DENND1A: variants seen among roughly 807,000 people sequenced by gnomAD.
DENND1A encodes DENN domain-containing protein 1A.
A neutral mutation model predicts 113.7 loss-of-function variants in DENND1A; 51 were observed. The ratio of observed to expected loss-of-function variants is 0.45; its 90% CI spans 0.36 to 0.57. DENND1A has a LOEUF of 0.57. DENND1A is among the 20% of genes least tolerant of loss of function. The pLI is 0.00. For missense variants in DENND1A, 1,258 were observed against 1,395.9 expected (o/e 0.90, Z 1.57); for synonymous variants, 565 against 570.8 (o/e 0.99, Z 0.14).
chr9:123,638,136 C>A (rs145666433), intron 9 of DENND1A, among the ~76,000 whole-genome samples: 1 of 152,058 alleles, frequency 6.6e-6, no homozygotes. Context: ...AAGTTATTAA[C>A]CGGGGCAACA....
At chr9:123,543,156 A>G (rs1464222805) in intron 13 of DENND1A, among the ~76,000 whole-genome samples, 1 of 152,228 alleles carries the variant, frequency 6.6e-6, no homozygotes, top group Non-Finnish European at 1.5e-5. Flanking sequence ...TGGAACGGGT[A>G]AAAATGAACC....
intron 1 of DENND1A, among the ~76,000 whole-genome samples, chr9:123,900,022 C>G (rs755014665): frequency 1.3e-5 from 2 of 152,206 alleles, no homozygotes; most frequent in African/African-American, 4.8e-5. Context: ...TAAACCAGCA[C>G]GTTCTGGATT....
At chr9:123,462,968 AC>A (rs2048650495) in intron 13 of DENND1A, among the ~76,000 whole-genome samples, 1 of 152,112 alleles carries the variant, frequency 6.6e-6, no homozygotes, top group Non-Finnish European at 1.5e-5. Flanking sequence ...CAGCTCGTCC[AC>A]CTGCGTCCTG....
intron 3 of DENND1A, among the ~76,000 whole-genome samples, chr9:123,782,648 G>A (rs1454515258): frequency 6.6e-6 from 1 of 152,148 alleles, no homozygotes; most frequent in Admixed American, 6.5e-5. Context: ...CTACCTGGGG[G>A]ATGTAAAAGA....
rs7045344 is a variant in DENND1A, at chr9:123,414,934, T to G, written c.1489-3105A>C. ...TAATAGGTGCTCAGCAAATTACTTTTGGCTTAAACTTCCTGGCACATGTAA... is the reference window on the plus strand; with the variant it reads ...TAATAGGTGCTCAGCAAATTACTTTGGGCTTAAACTTCCTGGCACATGTAA... On this transcript the variant is annotated intron_variant, in intron 19 of 23. Transcript: ENST00000394215. Among the ~76,000 whole-genome samples, 975 of 152,348 alleles carry G rather than the reference T, an allele frequency of 6.4e-3. 9 individuals are homozygous for G. The highest frequency in any genetic ancestry group is 0.022 in the African/African-American group (935 of 41,584).
At chr9:123,850,065 A>G (rs1339825732) in intron 2 of DENND1A, among the ~76,000 whole-genome samples, 2 of 152,246 alleles carry the variant, frequency 1.3e-5, no homozygotes, top group Non-Finnish European at 2.9e-5. Flanking sequence ...TTGAAATGAC[A>G]AGAAAGCATT....
intron 5 of DENND1A, among the ~76,000 whole-genome samples, chr9:123,736,678 C>T (rs1485539361): frequency 6.6e-6 from 1 of 152,090 alleles, no homozygotes; most frequent in African/African-American, 2.4e-5. Flanking sequence ...AATAAGAAAA[C>T]AATTGTCAAA....
intron 13 of DENND1A, among the ~76,000 whole-genome samples, chr9:123,515,903 CAAAAAAT>C (rs2053852613): frequency 6.6e-6 from 1 of 151,726 alleles, no homozygotes; most frequent in Admixed American, 6.6e-5. Flanking sequence ...CCTGTCTTTA[CAAAAAAT>C]AAAAAATAAA....
At chr9:123,484,669 G>A (rs1164304153) in intron 13 of DENND1A, among the ~76,000 whole-genome samples, 1 of 152,174 alleles carries the variant, frequency 6.6e-6, no homozygotes, top group Non-Finnish European at 1.5e-5. Flanking sequence ...GTCTACGAAT[G>A]CACAAGGCAT....
chr9:123,861,664 GA>G (rs1845070635), intron 2 of DENND1A, among the ~76,000 whole-genome samples: 1 of 152,078 alleles, frequency 6.6e-6, no homozygotes, highest in South Asian at 2.1e-4. Context: ...AACAATAGAA[GA>G]AAAATCTTAT....
At chr9:123,524,785 C>G (rs559179337) in intron 13 of DENND1A, among the ~76,000 whole-genome samples, 1 of 152,286 alleles carries the variant, frequency 6.6e-6, no homozygotes, top group South Asian at 2.1e-4. Flanking sequence ...ACATTTGTAC[C>G]TTTGTGCTCT....
At chr9:123,624,785 G>A (rs1238690537) in intron 10 of DENND1A, among the ~76,000 whole-genome samples, 1 of 152,162 alleles carries the variant, frequency 6.6e-6, no homozygotes. Flanking sequence ...GTTTTTCAGA[G>A]TGCTAGAGTT....
In DENND1A at chr9:123,627,770, C is replaced by A. The variant is rs374893900; in HGVS notation, c.719+2606G>T. 2.4e-3 allele frequency among the ~76,000 whole-genome samples: 337 copies of A among 141,860 alleles called. 2 individuals are homozygous for A. Among genetic ancestry groups the A allele is most frequent in the Non-Finnish European group, 4.6e-3 (299 of 64,578 alleles). The allele number at this position is 141,860 out of a possible 152,430, so 93.1% of individuals were successfully genotyped here. ...AAAAAAAAAAAAAAGAGAGAGAGAG[C>A]GAGCGAGTGAGAGAGAGAGAGAGAG... is the stretch of plus-strand genomic sequence containing the variant. On this transcript the variant is annotated intron_variant, in intron 10 of 23. Transcript: ENST00000394215.
chr9:123,542,001 G>A (rs572765476), intron 13 of DENND1A, among the ~76,000 whole-genome samples: 54 of 152,202 alleles, frequency 3.5e-4, no homozygotes, highest in Admixed American at 8.5e-4. Flanking sequence ...ATATTCCATC[G>A]AACACTTTGC....
At chr9:123,480,227 C>G (rs1158411638) in intron 13 of DENND1A, among the ~76,000 whole-genome samples, 4 of 152,214 alleles carry the variant, frequency 2.6e-5, no homozygotes, top group African/African-American at 9.6e-5. Context: ...TCCAGACTCT[C>G]TCCACCCAAC....
At chr9:123,885,027 A>ACACT (rs1369600664) in intron 1 of DENND1A, among the ~76,000 whole-genome samples, 1 of 128,788 alleles carries the variant, frequency 7.8e-6, no homozygotes, top group Non-Finnish European at 1.6e-5. Flanking sequence ...ACACACACAC[A>ACACT]CACTCACTCT....
At position 123,490,486 on chromosome 9, in the gene DENND1A, G is replaced by C. The variant is rs147616625; in HGVS notation, c.994-32589C>G. Among the ~76,000 whole-genome samples, 1,185 of 152,270 alleles carry C rather than the reference G, an allele frequency of 7.8e-3. 10 individuals carry two copies. Among genetic ancestry groups the C allele is most frequent in the Non-Finnish European group, 0.014 (972 of 68,020 alleles). On this transcript the variant is annotated intron_variant, in intron 13 of 23. Transcript: ENST00000394215. The stretch of plus-strand genomic sequence containing the variant: ...CACCTGTAATCCCAGCTACTGGGGA[G>C]GGTGAGGCAGGAGAATCGCTTGAAC...
intron 12 of DENND1A, among the ~76,000 whole-genome samples, chr9:123,562,774 T>TC (rs2057831587): frequency 6.6e-6 from 1 of 152,136 alleles, no homozygotes; most frequent in South Asian, 2.1e-4. Flanking sequence ...AATCCAGATG[T>TC]CCCCCCATCT....
chr9:123,487,496 C>T (rs2050990119), intron 13 of DENND1A, among the ~76,000 whole-genome samples: 1 of 152,212 alleles, frequency 6.6e-6, no homozygotes, highest in South Asian at 2.1e-4. Flanking sequence ...AAAGATACGG[C>T]AGAACCTGAG....
Sources: allele counts gnomAD v4.1 joint callset (sites outside exome capture counted in the v4.1 genomes callset), GRCh38; gene constraint gnomAD v4.1.1; transcripts MANE v1.5; gene names NCBI Gene and HGNC (gene_info 2026-07-23, HGNC 2026-07-21).